Variants in KCNH8 observed in about 807,000 individuals in gnomAD.
The protein encoded by KCNH8 is potassium voltage-gated channel subfamily H member 8, also known as voltage-gated delayed rectifier potassium channel KCNH8.
In KCNH8, 70 loss-of-function variants were observed where a neutral mutation model predicts 103.6. The observed-to-expected ratio is 0.68, with a 90% CI of 0.56 to 0.82. The LOEUF is 0.82. Among genes scored for constraint, KCNH8 ranks in the 40% least tolerant of loss-of-function variants. The probability of loss-of-function intolerance (pLI) is 0.00; values close to 1 mark genes in which losing one functional copy is unlikely to be tolerated. For synonymous variants in KCNH8, 498 were observed against 489.4 expected (o/e 1.02, Z -0.23); for missense variants, 1,217 against 1,329.9 (o/e 0.92, Z 1.32).
intron 15 of KCNH8, among the ~76,000 whole-genome samples, chr3:19,519,744 C>T (rs1359091095): frequency 6.6e-6 from 1 of 151,856 alleles, no homozygotes; most frequent in Non-Finnish European, 1.5e-5. Flanking sequence ...TTCTGTTCAA[C>T]AGTTTCTTTT....
chr3:19,484,387 C>T (rs988281497), intron 11 of KCNH8, among the ~76,000 whole-genome samples: 2 of 152,218 alleles, frequency 1.3e-5, no homozygotes, highest in Non-Finnish European at 1.5e-5. Context: ...AGTAGTCTTT[C>T]ATGCGGGGAA....
Position 19,533,519 on chromosome 3 carries a change from T to C in KCNH8, c.2744T>C (p.Val915Ala). 1 of 1,614,176 alleles carries C rather than the reference T, an allele frequency of 6.2e-7. No homozygotes were observed. The highest frequency in any genetic ancestry group is 8.5e-7 in the Non-Finnish European group (1 of 1,180,020). Residue 915 changes from valine to alanine, a missense_variant, in exon 16 of 16, where the codon GTG becomes GCG. Physicochemically the swap from Val to Ala is moderately conservative, Grantham distance 64. This residue lies in a region of KCNH8 where 558 missense variants were observed against 495.8 expected (regional missense o/e 1.13). Coordinates refer to ENST00000328405, the MANE Select transcript of KCNH8 (RefSeq NM_144633.3). ...TTTTGCTCTTTGCACAGCACCTCTGTGTGTCCCTCCAGGGAGAGCTTACAG... is the reference window on the plus strand; with the variant it reads ...TTTTGCTCTTTGCACAGCACCTCTGCGTGTCCCTCCAGGGAGAGCTTACAG... ...SRFCSLHSTS[V>A]CPSRESLQTR...
intron 2 of KCNH8, among the ~76,000 whole-genome samples, chr3:19,260,753 C>T (rs1425752372): frequency 1.3e-5 from 2 of 148,270 alleles, no homozygotes; most frequent in Non-Finnish European, 3.0e-5. Flanking sequence ...TGCATCCCCC[C>T]AAATTTTTCT....
At chr3:19,210,044 T>C (rs914912703) in intron 1 of KCNH8, among the ~76,000 whole-genome samples, 5 of 152,212 alleles carry the variant, frequency 3.3e-5, no homozygotes, top group South Asian at 4.1e-4. Flanking sequence ...TATATACTCT[T>C]TTCTGGTCTT....
chr3:19,359,897 CA>C lies in KCNH8; in HGVS notation c.811+11934del, dbSNP rs528473637. On this transcript the variant is annotated intron_variant, in intron 5 of 15. Coordinates refer to ENST00000328405, the MANE Select transcript of KCNH8 (RefSeq NM_144633.3). Reference sequence around the variant, plus strand: ...GCTTCTTTGCTTCCAGAGAGAACCACAAGGTACTGAGCACAGAAAAGGGAAG... The same window carrying C: ...GCTTCTTTGCTTCCAGAGAGAACCACAGGTACTGAGCACAGAAAAGGGAAG... 4.7e-3 allele frequency among the ~76,000 whole-genome samples: 721 copies of C among 152,060 alleles called. 7 individuals carry two copies. The highest frequency in any genetic ancestry group is 0.016 in the African/African-American group (669 of 41,514).
intron 15 of KCNH8, among the ~76,000 whole-genome samples, chr3:19,522,112 T>G (rs1341629735): frequency 6.6e-6 from 1 of 151,928 alleles, no homozygotes; most frequent in East Asian, 1.9e-4. Flanking sequence ...TTAGGTGATT[T>G]TAATCCATCT....
intron 1 of KCNH8, among the ~76,000 whole-genome samples, chr3:19,218,183 T>C (rs2063835947): frequency 6.6e-6 from 1 of 152,212 alleles, no homozygotes; most frequent in Admixed American, 6.5e-5. Context: ...AACTCAATTT[T>C]AGAATATTTT....
chr3:19,356,261 TAAAG>T (rs2065880974), intron 5 of KCNH8, among the ~76,000 whole-genome samples: 1 of 151,948 alleles, frequency 6.6e-6, no homozygotes, highest in Non-Finnish European at 1.5e-5. Context: ...AATTTAATGA[TAAAG>T]AAATTTATTT....
At chr3:19,497,503 AACTC>A (rs1402951275) in intron 11 of KCNH8, among the ~76,000 whole-genome samples, 1 of 151,190 alleles carries the variant, frequency 6.6e-6, no homozygotes, top group African/African-American at 2.4e-5. Context: ...ATTTACGTAA[AACTC>A]ACTCAGGAGC....
chr3:19,245,779 T>G (rs2064196742), intron 1 of KCNH8, among the ~76,000 whole-genome samples: 1 of 152,242 alleles, frequency 6.6e-6, no homozygotes, highest in Non-Finnish European at 1.5e-5. Flanking sequence ...TTCATTTTTG[T>G]ACATCTATTT....
intron 3 of KCNH8, among the ~76,000 whole-genome samples, chr3:19,306,311 A>G (rs986757240): frequency 3.9e-5 from 6 of 152,216 alleles, no homozygotes; most frequent in South Asian, 2.1e-4. Flanking sequence ...TCTCCTTTCT[A>G]TCAGGTACTT....
Position 19,409,384 on chromosome 3 carries a change from A to T in KCNH8, c.1177+14073A>T, listed in dbSNP as rs114095076. ...TTAAGGGAGTTCTACACATGGAAAC[A>T]AAAGAATGATAACTGCCGCTACAAA... On this transcript the variant is annotated intron_variant, in intron 7 of 15. Coordinates refer to ENST00000328405, the MANE Select transcript of KCNH8 (RefSeq NM_144633.3). 6.6e-3 allele frequency among the ~76,000 whole-genome samples: 1,011 copies of T among 152,270 alleles called. 12 individuals carry two copies. The highest frequency in any genetic ancestry group is 0.023 in the African/African-American group (968 of 41,554).
rs568318097 is a variant in KCNH8 at position 19,180,232 on chromosome 3, T to G, written c.76+31437T>G. Among the ~76,000 whole-genome samples the G allele has an allele frequency of 1.5e-3, 221 of 149,106 alleles. 2 individuals are homozygous for G. The highest frequency in any genetic ancestry group is 6.9e-3 in the Middle Eastern group (2 of 288). Reference sequence around the variant, plus strand: ...TGAAGGCGATCTGGCATGACCTACATTTGTTCAAAGGGCCAAGACAGACTT... The same window carrying G: ...TGAAGGCGATCTGGCATGACCTACAGTTGTTCAAAGGGCCAAGACAGACTT... On this transcript the variant is annotated intron_variant, in intron 1 of 15. Transcript: ENST00000328405.
chr3:19,305,951 A>C (rs2065124321), intron 3 of KCNH8, among the ~76,000 whole-genome samples: 1 of 151,982 alleles, frequency 6.6e-6, no homozygotes, highest in African/African-American at 2.4e-5. Flanking sequence ...AAAATCAAAA[A>C]ATAAAAAATA....
chr3:19,478,295 T>C (rs1236818617), intron 11 of KCNH8, among the ~76,000 whole-genome samples: 1 of 152,096 alleles, frequency 6.6e-6, no homozygotes, highest in East Asian at 1.9e-4. Flanking sequence ...TCTCGGTGTA[T>C]ACCCAGTAGT....
intron 3 of KCNH8, among the ~76,000 whole-genome samples, chr3:19,297,239 C>G (rs1284078011): frequency 1.3e-5 from 2 of 152,284 alleles, no homozygotes; most frequent in Admixed American, 6.5e-5. Context: ...CAGCCACCGG[C>G]TGAGAATCCC....
At chr3:19,254,157 T>G (rs1241260568) in intron 2 of KCNH8, among the ~76,000 whole-genome samples, 1 of 152,118 alleles carries the variant, frequency 6.6e-6, no homozygotes, top group Non-Finnish European at 1.5e-5. Flanking sequence ...TAAAATAAAG[T>G]ACGTTACTAT....
chr3:19,275,876 G>C (rs1479460444), intron 2 of KCNH8, among the ~76,000 whole-genome samples: 2 of 152,118 alleles, frequency 1.3e-5, no homozygotes, highest in Non-Finnish European at 2.9e-5. Flanking sequence ...AAAGCCGTCA[G>C]GTGTTTTTAA....
At chr3:19,373,442 G>A (rs1175836663) in intron 5 of KCNH8, among the ~76,000 whole-genome samples, 1 of 152,138 alleles carries the variant, frequency 6.6e-6, no homozygotes, top group Non-Finnish European at 1.5e-5. Context: ...GTATTTTTGT[G>A]GGATCGGTGG....
Sources: allele counts gnomAD v4.1 joint callset (sites outside exome capture counted in the v4.1 genomes callset), GRCh38; gene constraint gnomAD v4.1.1; regional missense constraint gnomAD v4.1.1; transcripts MANE v1.5; gene names NCBI Gene and HGNC (gene_info 2026-07-23, HGNC 2026-07-21).